NOL4: variants seen among roughly 807,000 people sequenced by gnomAD.
NOL4 encodes cancer/testis antigen 125.
Under a neutral mutation model 75.9 loss-of-function variants are expected in NOL4, and 17 were observed. The observed-to-expected ratio is 0.22, with a 90% CI of 0.15 to 0.34. The LOEUF (loss-of-function observed/expected upper bound fraction) is 0.34, where lower values mean the gene tolerates loss of function less well. NOL4 is among the 10% of genes least tolerant of loss of function. NOL4 has a pLI of 1.00. For missense variants in NOL4, 614 were observed against 793.5 expected (o/e 0.77, Z 2.72); for synonymous variants, 292 against 289.9 (o/e 1.01, Z -0.07).
intron 9 of NOL4, among the ~76,000 whole-genome samples, chr18:33,902,851 T>C (rs1367510455): frequency 6.6e-6 from 1 of 152,172 alleles, no homozygotes; most frequent in Non-Finnish European, 1.5e-5. Flanking sequence ...TTTAATTACT[T>C]GGGCAAACTG....
chr18:33,974,819 C>T (rs192109937), intron 6 of NOL4, among the ~76,000 whole-genome samples: 21 of 152,200 alleles, frequency 1.4e-4, no homozygotes, highest in Non-Finnish European at 3.1e-4. Flanking sequence ...CAAGGTGTGC[C>T]TGTATCCAAA....
chr18:34,069,422 ATACAATTATG>A (rs2077416418), intron 5 of NOL4, among the ~76,000 whole-genome samples: 1 of 152,218 alleles, frequency 6.6e-6, no homozygotes, highest in Non-Finnish European at 1.5e-5. Flanking sequence ...AAAAATACAC[ATACAATTATG>A]TAATTAGAAT....
At chr18:33,897,522 C>T (rs1568028669) in intron 9 of NOL4, among the ~76,000 whole-genome samples, 1 of 152,058 alleles carries the variant, frequency 6.6e-6, no homozygotes, top group East Asian at 1.9e-4. Flanking sequence ...AACAGAAAGC[C>T]AAATACCACA....
chr18:34,107,107 T>C (rs1336840924), intron 2 of NOL4, among the ~76,000 whole-genome samples: 1 of 152,158 alleles, frequency 6.6e-6, no homozygotes, highest in Admixed American at 6.6e-5. Flanking sequence ...TTCTGAAATC[T>C]TCTCTTTTCC....
intron 1 of NOL4, among the ~76,000 whole-genome samples, chr18:34,198,535 T>C (rs2035498597): frequency 6.6e-6 from 1 of 151,898 alleles, no homozygotes; most frequent in Non-Finnish European, 1.5e-5. Context: ...AAATTAAGAA[T>C]TCAAATTAAA....
At chr18:33,894,958 CAG>C (rs1427013353) in intron 9 of NOL4, among the ~76,000 whole-genome samples, 1 of 152,098 alleles carries the variant, frequency 6.6e-6, no homozygotes, top group Non-Finnish European at 1.5e-5. Flanking sequence ...CGTAATAACT[CAG>C]AGAGTGAATT....
At chr18:33,862,349 C>T (rs1599659039) in intron 10 of NOL4, among the ~76,000 whole-genome samples, 3 of 152,274 alleles carry the variant, frequency 2.0e-5, no homozygotes, top group African/African-American at 7.2e-5. Flanking sequence ...CCATTCAGGA[C>T]ATAGGCACGG....
rs2063124217 is a variant in NOL4 at position 33,861,438 on chromosome 18, T to G, written c.1724-8403A>C. 2.6e-5 allele frequency among the ~76,000 whole-genome samples: 4 copies of G among 152,356 alleles called. No individual in the cohort carries two copies. The South Asian group carries it at 8.3e-4, about 32-fold the overall frequency. ...TATTTGTGTAGAGGTGTTTGTAGTA[T>G]TCTCTGATGGTAGTTTGTATTTCTG... is the stretch of plus-strand genomic sequence containing the variant. On this transcript the variant is annotated intron_variant, in intron 10 of 10. Coordinates refer to ENST00000261592, the MANE Select transcript of NOL4 (RefSeq NM_003787.5).
intron 1 of NOL4, among the ~76,000 whole-genome samples, chr18:34,201,961 T>C (rs1360911124): frequency 6.6e-6 from 1 of 151,804 alleles, no homozygotes; most frequent in Non-Finnish European, 1.5e-5. Flanking sequence ...AATTTTCTAC[T>C]TACCTAGATT....
chr18:33,999,720 C>T (rs762599232), intron 6 of NOL4, among the ~76,000 whole-genome samples: 32 of 152,068 alleles, frequency 2.1e-4, no homozygotes, highest in Non-Finnish European at 3.8e-4. Context: ...GGTGCAATCT[C>T]GGCTCACTGC....
intron 5 of NOL4, among the ~76,000 whole-genome samples, chr18:34,071,145 T>C (rs1354492675): frequency 6.6e-6 from 1 of 152,094 alleles, no homozygotes; most frequent in Non-Finnish European, 1.5e-5. Flanking sequence ...GTGGTGGATA[T>C]ACCAAAAAAC....
At chr18:34,093,335 A>C (rs1466868484) in intron 5 of NOL4, 130 bp downstream of exon 5, 1 of 927,066 alleles carries the variant, frequency 1.1e-6, no homozygotes, top group African/African-American at 1.7e-5. Flanking sequence ...ATACATAGAG[A>C]AAAGTTCCCA....
chr18:34,117,574 A>G (rs1343769372), intron 2 of NOL4, among the ~76,000 whole-genome samples: 3 of 152,204 alleles, frequency 2.0e-5, no homozygotes, highest in Non-Finnish European at 2.9e-5. Flanking sequence ...TTTCTCAAGA[A>G]CAAGTCAGAC....
intron 6 of NOL4, among the ~76,000 whole-genome samples, chr18:33,985,534 T>C (rs552450898): frequency 5.3e-5 from 8 of 152,152 alleles, no homozygotes; most frequent in Non-Finnish European, 1.0e-4. Context: ...TGATTTATTA[T>C]CACGGTTAGA....
chr18:33,961,758 C>A (rs1231977743), intron 6 of NOL4, among the ~76,000 whole-genome samples: 2 of 151,782 alleles, frequency 1.3e-5, no homozygotes, highest in Non-Finnish European at 2.9e-5. Context: ...GGGCTGGTAA[C>A]ACTACACAGG....
intron 6 of NOL4, among the ~76,000 whole-genome samples, chr18:33,967,844 T>C (rs928010321): frequency 1.3e-5 from 2 of 152,124 alleles, no homozygotes; most frequent in Non-Finnish European, 2.9e-5. Flanking sequence ...ATCCCAGCAC[T>C]TGGGGGGCCG....
intron 8 of NOL4, among the ~76,000 whole-genome samples, chr18:33,953,337 C>T (rs1039995241): frequency 3.3e-5 from 5 of 151,716 alleles, no homozygotes; most frequent in African/African-American, 1.2e-4. Flanking sequence ...GTCATATAAT[C>T]TTCAGGTTTT....
chr18:33,904,613 A>C (rs2065927095), intron 9 of NOL4, among the ~76,000 whole-genome samples: 1 of 152,176 alleles, frequency 6.6e-6, no homozygotes, highest in South Asian at 2.1e-4. Flanking sequence ...TTAAGTCTTC[A>C]CCTGAAGGTA....
chr18:33,911,168 G>T (rs2066378450), intron 9 of NOL4, among the ~76,000 whole-genome samples: 1 of 108,048 alleles, frequency 9.3e-6, no homozygotes, highest in Non-Finnish European at 1.8e-5. Context: ...GAATGTTTAA[G>T]ATTTTGCCTT....
Sources: allele counts gnomAD v4.1 joint callset (sites outside exome capture counted in the v4.1 genomes callset), GRCh38; gene constraint gnomAD v4.1.1; transcripts MANE v1.5; gene names NCBI Gene and HGNC (gene_info 2026-07-23, HGNC 2026-07-21).